MRPL48: variants seen among roughly 807,000 people sequenced by gnomAD.
The protein encoded by MRPL48 is large ribosomal subunit protein mL48.
Under a neutral mutation model 32.9 loss-of-function variants are expected in MRPL48, and 16 were observed. That is an observed-to-expected ratio of 0.49 (90% confidence interval 0.33 to 0.74). The LOEUF is 0.74. Ranked by LOEUF, MRPL48 falls within the 30% of genes least tolerant of loss-of-function variation. The pLI is 0.02. For synonymous variants in MRPL48, 94 were observed against 89.2 expected (o/e 1.05, Z -0.31); for missense variants, 206 against 245.3 (o/e 0.84, Z 1.07).
intron 1 of MRPL48, among the ~76,000 whole-genome samples, chr11:73,796,181 G>C (rs971454031): frequency 6.6e-6 from 1 of 152,158 alleles, no homozygotes; most frequent in Non-Finnish European, 1.5e-5. Context: ...CTTGCTCCAC[G>C]GAGCAAGCAG....
rs1192894977 is a variant in MRPL48 at position 73,864,651 on chromosome 11, T to A, written c.*281T>A. 2 of 428,648 alleles carry A rather than the reference T, an allele frequency of 4.7e-6. No individual in the cohort carries two copies. The highest frequency in any genetic ancestry group is 3.9e-5 in the African/African-American group (2 of 51,370). 26.6% of individuals were successfully genotyped at this position (428,648 alleles called of 1,614,324 possible). On this transcript the variant is annotated 3_prime_UTR_variant, in exon 8 of 8. Coordinates refer to ENST00000310614, the MANE Select transcript of MRPL48 (RefSeq NM_016055.6). ...AGAGAAATTGGCCCATCCTGTGGAG[T>A]ATCTTTAAGAGATTCTATATTCTGG...
chr11:73,855,901 T>G (rs141512951), intron 5 of MRPL48, among the ~76,000 whole-genome samples: 1 of 152,350 alleles, frequency 6.6e-6, no homozygotes, highest in East Asian at 1.9e-4. Flanking sequence ...TAAAAGGTAT[T>G]TAACTGCTCT....
rs573879790 is a variant in MRPL48 at position 73,788,121 on chromosome 11, A to C, written c.21+129A>C. On this transcript the variant is annotated intron_variant, in intron 1 of 7. Coordinates refer to ENST00000310614, the MANE Select transcript of MRPL48 (RefSeq NM_016055.6). ...CCGGGGATGAGACACTGGGGCGCCC[A>C]AGGTCCTTCCCAGCAGCACATGCGG... 49 of 1,377,620 alleles carry C rather than the reference A, an allele frequency of 3.6e-5. No homozygotes were observed. In the South Asian group the frequency reaches 6.6e-4, roughly 18 times the overall value. 85.3% of individuals were successfully genotyped at this position (1,377,620 alleles called of 1,614,324 possible).
At chr11:73,794,724 G>A (rs1947219603) in intron 1 of MRPL48, among the ~76,000 whole-genome samples, 1 of 151,764 alleles carries the variant, frequency 6.6e-6, no homozygotes, top group Non-Finnish European at 1.5e-5. Flanking sequence ...CTTGTGTTAT[G>A]AGGGCAAGTA....
intron 3 of MRPL48, among the ~76,000 whole-genome samples, chr11:73,816,344 GC>G (rs1301011885): frequency 8.1e-6 from 1 of 123,652 alleles, no homozygotes; most frequent in Non-Finnish European, 1.8e-5. Flanking sequence ...ACAGGCGTGA[GC>G]CACCGTGCCC....
At chr11:73,853,956 C>T (rs1431431083) in intron 5 of MRPL48, among the ~76,000 whole-genome samples, 2 of 152,016 alleles carry the variant, frequency 1.3e-5, no homozygotes, top group Admixed American at 6.6e-5. Context: ...TCCCAAAGTG[C>T]TGGGATTACA....
At chr11:73,823,711 T>G (rs1473380376) in intron 3 of MRPL48, among the ~76,000 whole-genome samples, 1 of 148,200 alleles carries the variant, frequency 6.7e-6, no homozygotes, top group African/African-American at 2.5e-5. Context: ...TTGCCCGGGC[T>G]GAAGTGCAGC....
chr11:73,827,406 T>A (rs1162435169), intron 4 of MRPL48, among the ~76,000 whole-genome samples: 3 of 152,042 alleles, frequency 2.0e-5, no homozygotes, highest in African/African-American at 4.8e-5. Context: ...ATAAATAAAT[T>A]ATGTGCTTCT....
chr11:73,794,173 A>G (rs1214130116), intron 1 of MRPL48, among the ~76,000 whole-genome samples: 1 of 138,020 alleles, frequency 7.2e-6, no homozygotes, highest in African/African-American at 2.6e-5. Flanking sequence ...TGGGTAACAG[A>G]GTGAGACCCT....
intron 1 of MRPL48, among the ~76,000 whole-genome samples, chr11:73,801,816 A>G (rs570881145): frequency 4.2e-4 from 64 of 152,372 alleles, no homozygotes; most frequent in Non-Finnish European, 8.1e-4. Flanking sequence ...TGATTTAGAC[A>G]CATGGTAGGT....
chr11:73,846,752 G>A (rs1440386576), intron 5 of MRPL48, among the ~76,000 whole-genome samples: 2 of 151,522 alleles, frequency 1.3e-5, no homozygotes, highest in Non-Finnish European at 1.5e-5. Flanking sequence ...ACCCAGGCTG[G>A]TATGCAGTGG....
At chr11:73,852,914 T>C (rs992027867) in intron 5 of MRPL48, among the ~76,000 whole-genome samples, 36 of 152,264 alleles carry the variant, frequency 2.4e-4, no homozygotes, top group Middle Eastern at 3.4e-3. Context: ...TATTCACCCA[T>C]AAAAATGAAT....
chr11:73,817,518 A>T (rs1947699079), intron 3 of MRPL48, among the ~76,000 whole-genome samples: 1 of 152,172 alleles, frequency 6.6e-6, no homozygotes, highest in African/African-American at 2.4e-5. Context: ...TATTATTTTT[A>T]ATATTTGCTA....
At chr11:73,825,488 C>T (rs1768010427) in intron 3 of MRPL48, among the ~76,000 whole-genome samples, 1 of 151,570 alleles carries the variant, frequency 6.6e-6, no homozygotes, top group Non-Finnish European at 1.5e-5. Context: ...ATTAGCTGGG[C>T]ATGGTAGCAC....
Position 73,864,279 on chromosome 11 carries a change from C to A in MRPL48, c.565-17C>A. 6.2e-7 allele frequency: 1 copy of A among 1,611,148 alleles called. No individual in the cohort carries two copies. The highest frequency in any genetic ancestry group is 8.5e-7 in the Non-Finnish European group (1 of 1,178,652). ...CTCTGCAGTAATTACCGCTTATTTT[C>A]TTTTTCTTCTCCTTAGCACACTGAA... On this transcript the variant is annotated splice_polypyrimidine_tract_variant and intron_variant, in intron 7 of 7. Coordinates refer to ENST00000310614, the MANE Select transcript of MRPL48 (RefSeq NM_016055.6).
chr11:73,863,045 T>C (rs1591016171), intron 6 of MRPL48, 127 bp from the exon 7 acceptor site: 1 of 780,372 alleles, frequency 1.3e-6, no homozygotes, highest in Admixed American at 2.4e-5. Context: ...CCAGTTTTGG[T>C]GTTAATCTTC....
At chr11:73,843,706 T>C (rs763159385) in intron 4 of MRPL48, among the ~76,000 whole-genome samples, 1 of 152,224 alleles carries the variant, frequency 6.6e-6, no homozygotes, top group Non-Finnish European at 1.5e-5. Context: ...GATTCCTTTC[T>C]GTTAATTTTT....
chr11:73,821,845 C>T (rs1197443548), intron 3 of MRPL48, among the ~76,000 whole-genome samples: 1 of 152,124 alleles, frequency 6.6e-6, no homozygotes, highest in African/African-American at 2.4e-5. Context: ...CTGGTGTGTG[C>T]CATTCATATG....
At chr11:73,805,342 G>A (rs1202844492) in intron 2 of MRPL48, among the ~76,000 whole-genome samples, 1 of 150,610 alleles carries the variant, frequency 6.6e-6, no homozygotes, top group Non-Finnish European at 1.5e-5. Flanking sequence ...TGTCACCCAG[G>A]CTGGAGTGCA....
Sources: allele counts gnomAD v4.1 joint callset (sites outside exome capture counted in the v4.1 genomes callset), GRCh38; gene constraint gnomAD v4.1.1; transcripts MANE v1.5; gene names NCBI Gene and HGNC (gene_info 2026-07-23, HGNC 2026-07-21).